GNG7: variants seen among roughly 807,000 people sequenced by gnomAD.
GNG7 encodes the protein G protein subunit gamma 7.
In GNG7, 1 loss-of-function variant was observed where a neutral mutation model predicts 4.0. The ratio of observed to expected loss-of-function variants is 0.25; its 90% CI spans 0.09 to 1.18. GNG7 has a LOEUF of 1.18. GNG7 is among the 50% of genes most tolerant of loss of function. The pLI is 0.50. For missense variants in GNG7, 86 were observed against 91.9 expected, an observed-to-expected ratio of 0.94 and a Z score of 0.26; for synonymous variants, 34 against 36.9, an observed-to-expected ratio of 0.92 and a Z score of 0.29.
At chr19:2,621,594 G>A (rs2144832968) in intron 2 of GNG7, among the ~76,000 whole-genome samples, 2 of 152,100 alleles carry the variant, frequency 1.3e-5, no homozygotes, top group African/African-American at 2.4e-5. Flanking sequence ...CTACTCGGGA[G>A]GCTGAGGCAG....
intron 3 of GNG7, among the ~76,000 whole-genome samples, chr19:2,551,437 C>T (rs1435206324): frequency 1.3e-5 from 2 of 151,888 alleles, no homozygotes; most frequent in South Asian, 2.1e-4. Context: ...GGCCATGCGG[C>T]ACTCACCTTG....
intron 2 of GNG7, among the ~76,000 whole-genome samples, chr19:2,582,894 C>G (rs974606688): frequency 6.6e-6 from 1 of 152,058 alleles, no homozygotes; most frequent in Non-Finnish European, 1.5e-5. Context: ...GTCTCGATCT[C>G]TTGACCTCAG....
At chr19:2,531,776 A>ACCCC (rs1568233572) in intron 3 of GNG7, among the ~76,000 whole-genome samples, 2,364 of 150,722 alleles carry the variant, frequency 0.016, 54 homozygotes, top group African/African-American at 0.055. Flanking sequence ...GTCCCAAAAA[A>ACCCC]AAAAAAAAAT....
chr19:2,593,330 C>G (rs73526821), intron 2 of GNG7, among the ~76,000 whole-genome samples: 19,752 of 151,894 alleles, frequency 0.13, 2,683 homozygotes, highest in East Asian at 0.36. Context: ...GAATGTTTGT[C>G]TTTATTTTGT....
At chr19:2,529,555 C>A (rs924367786) in intron 3 of GNG7, among the ~76,000 whole-genome samples, 3 of 152,152 alleles carry the variant, frequency 2.0e-5, no homozygotes, top group African/African-American at 4.8e-5. Context: ...TGAGCTTGGG[C>A]AAATCCCTTC....
At chr19:2,621,482 G>A (rs1464615561) in intron 2 of GNG7, among the ~76,000 whole-genome samples, 3 of 152,038 alleles carry the variant, frequency 2.0e-5, no homozygotes, top group Non-Finnish European at 4.4e-5. Context: ...CAGATCACCT[G>A]AGATAAGGAG....
At chr19:2,520,106 G>A (rs969899488) in intron 4 of GNG7, among the ~76,000 whole-genome samples, 13 of 152,178 alleles carry the variant, frequency 8.5e-5, no homozygotes, top group Non-Finnish European at 1.0e-4. Flanking sequence ...GCTTGAACCC[G>A]GGAGGCAGAG....
intron 1 of GNG7, among the ~76,000 whole-genome samples, chr19:2,690,872 G>A (rs1473724091): frequency 6.6e-6 from 1 of 152,060 alleles, no homozygotes; most frequent in African/African-American, 2.4e-5. Context: ...GGGATTACAG[G>A]TGCGAGCCAC....
chr19:2,573,775 G>A lies in GNG7; in HGVS notation c.-77-18587C>T, dbSNP rs545547563. Among the ~76,000 whole-genome samples, 316 of 152,222 alleles carry A rather than the reference G, an allele frequency of 2.1e-3. 1 individual carries two copies. Among genetic ancestry groups the A allele is most frequent in the African/African-American group, 7.4e-3 (307 of 41,524 alleles). On this transcript the variant is annotated intron_variant, in intron 2 of 4. Coordinates refer to ENST00000382159, the MANE Select transcript of GNG7 (RefSeq NM_052847.3). ...GGAGAATCGCTTGAACCTGGGAGGCGGAGGTGGCAGTGAGCCGAGATCACG... is the reference window on the plus strand; with the variant it reads ...GGAGAATCGCTTGAACCTGGGAGGCAGAGGTGGCAGTGAGCCGAGATCACG...
In GNG7 at chr19:2,611,880, C is replaced by CT. The variant is rs879576466; in HGVS notation, c.-78+34343dup. On this transcript the variant is annotated intron_variant, in intron 2 of 4. Transcript: ENST00000382159. The surrounding 1 kb of genome is among the most constrained non-coding windows in gnomAD (Gnocchi z 6.0). ...AGTAAAAGTAAATAAAAATAAAAATCTTTTTTTTTTTTGAGATGGAGTCTC... is the reference window on the plus strand; with the variant it reads ...AGTAAAAGTAAATAAAAATAAAAATCTTTTTTTTTTTTTGAGATGGAGTCTC... 312 of 146,016 alleles carry CT rather than the reference C, an allele frequency of 2.1e-3. No homozygotes were observed. The highest frequency in any genetic ancestry group is 3.6e-3 in the East Asian group (18 of 5,058). The allele number at this position is 146,016 out of a possible 1,614,324, so 9.0% of individuals were successfully genotyped here.
intron 1 of GNG7, among the ~76,000 whole-genome samples, chr19:2,672,721 C>T (rs1351687051): frequency 6.6e-6 from 1 of 151,980 alleles, no homozygotes; most frequent in African/African-American, 2.4e-5. Flanking sequence ...GCTGGGATTA[C>T]AGGTGTGAGC....
At chr19:2,666,499 A>C (rs1444483058) in intron 1 of GNG7, among the ~76,000 whole-genome samples, 3 of 151,886 alleles carry the variant, frequency 2.0e-5, no homozygotes, top group Non-Finnish European at 4.4e-5. Flanking sequence ...TTTCATAGAG[A>C]TAGGATCTTG....
intron 2 of GNG7, among the ~76,000 whole-genome samples, chr19:2,581,044 C>T (rs1234931983): frequency 2.0e-5 from 3 of 152,072 alleles, no homozygotes; most frequent in Admixed American, 2.0e-4. Context: ...GGATTACAGG[C>T]GTGGGCCACT....
intron 3 of GNG7, among the ~76,000 whole-genome samples, chr19:2,536,049 C>T (rs529341239): frequency 6.6e-6 from 1 of 151,542 alleles, no homozygotes; most frequent in African/African-American, 2.4e-5. Flanking sequence ...CGCTTGAGTC[C>T]AGGAGTTGGA....
At chr19:2,551,850 A>AT (rs1045217625) in intron 3 of GNG7, among the ~76,000 whole-genome samples, 5 of 151,512 alleles carry the variant, frequency 3.3e-5, no homozygotes, top group African/African-American at 1.2e-4. Flanking sequence ...CGCCCGGCTA[A>AT]TTTTTTTTAT....
At chr19:2,680,026 C>T (rs529432491) in intron 1 of GNG7, among the ~76,000 whole-genome samples, 90 of 152,278 alleles carry the variant, frequency 5.9e-4, no homozygotes, top group African/African-American at 2.0e-3. Flanking sequence ...CAGTCTAAGA[C>T]TGTCAGCCAG....
chr19:2,628,001 G>A (rs1164461624), intron 2 of GNG7, among the ~76,000 whole-genome samples: 2 of 152,230 alleles, frequency 1.3e-5, no homozygotes, highest in East Asian at 3.8e-4. Context: ...TTAATGTGAT[G>A]ATCACAACAC....
At chr19:2,686,698 G>A (rs1983880169) in intron 1 of GNG7, among the ~76,000 whole-genome samples, 4 of 152,068 alleles carry the variant, frequency 2.6e-5, no homozygotes, top group Admixed American at 2.6e-4. Context: ...CGATCCCAAG[G>A]AGCGGAGCCT....
chr19:2,593,784 C>CT (rs71178294), intron 2 of GNG7, among the ~76,000 whole-genome samples: 81,405 of 139,424 alleles, frequency 0.58, 23,614 homozygotes, highest in East Asian at 0.76. Flanking sequence ...CGGGGTAGCA[C>CT]TTTTTTTTTT....
Sources: gnomAD v4.1 joint callset for allele counts (sites outside exome capture counted in the v4.1 genomes callset) on GRCh38, gnomAD v4.1.1 for gene constraint, Gnocchi (gnomAD v3.1) non-coding constraint, MANE v1.5 for transcripts, NCBI Gene and HGNC (gene_info 2026-07-23, HGNC 2026-07-21) for gene names.